Variants in UGT1A9 observed in about 807,000 individuals in gnomAD.
UGT1A9 encodes UDP-glucuronosyltransferase 1A9.
In UGT1A9, 35 loss-of-function variants were observed where a neutral mutation model predicts 45.0. The ratio of observed to expected loss-of-function variants is 0.78; its 90% confidence interval spans 0.59 to 1.03. UGT1A9 has a LOEUF of 1.03. Among genes scored for constraint, UGT1A9 ranks in the 50% least tolerant of loss-of-function variants. UGT1A9 has a pLI of 0.00. For missense variants in UGT1A9, 687 were observed against 666.6 expected, an observed-to-expected ratio of 1.03 and a Z score of -0.34; for synonymous variants, 278 against 250.6, an observed-to-expected ratio of 1.11 and a Z score of -1.03.
In UGT1A9 at chr2:233,743,625, C is replaced by T. The variant is rs201123763; in HGVS notation, c.856-23409C>T. On this transcript the variant is annotated intron_variant, in intron 1 of 4. Coordinates refer to ENST00000354728, the MANE Select transcript of UGT1A9 (RefSeq NM_021027.3). The stretch of plus-strand genomic sequence containing the variant: ...CCGCCGAAGAACTCCCTGAAGACGT[C>T]GGCTGGGTCGCGGAAGCTGAAGACG... The T allele has an allele frequency of 8.8e-5, 121 of 1,367,318 alleles. 1 individual carries two copies. Among genetic ancestry groups the T allele is most frequent in the Non-Finnish European group, 9.0e-5 (92 of 1,021,868 alleles). The allele number at this position is 1,367,318 out of a possible 1,614,324, so 84.7% of individuals were successfully genotyped here.
At chr2:233,751,036 G>T (rs1694621697) in intron 1 of UGT1A9, among the ~76,000 whole-genome samples, 1 of 151,846 alleles carries the variant, frequency 6.6e-6, no homozygotes, top group South Asian at 2.1e-4. Context: ...AGCTTGCACT[G>T]TGTGCCTGGA....
intron 1 of UGT1A9, chr2:233,691,075 A>T: frequency 1.0e-6 from 1 of 986,258 alleles, no homozygotes; most frequent in Non-Finnish European, 1.2e-6. Flanking sequence ...AAGAATGTGA[A>T]GTTTGTAGCA....
At chr2:233,713,593 A>G in intron 1 of UGT1A9, 2 of 1,613,934 alleles carry the variant, frequency 1.2e-6, no homozygotes, top group South Asian at 1.1e-5. Context: ...CTAACGACCA[A>G]TTCAGACCAC....
chr2:233,725,261 AGAG>A lies in UGT1A9; in HGVS notation c.856-41768_856-41766del, dbSNP rs754749858. 7.0e-4 allele frequency among the ~76,000 whole-genome samples: 22 copies of A among 31,252 alleles called. 3 individuals carry two copies. The highest frequency in any genetic ancestry group is 4.3e-3 in the African/African-American group (20 of 4,634). The allele number at this position is 31,252 out of a possible 152,430, so 20.5% of individuals were successfully genotyped here. A position where few individuals can be genotyped will look rare whatever the true frequency, so the allele number is the denominator to read the frequency against. ...AGGCAGAGGCAGAGGAGGCAGAGGC[AGAG>A]GAGGCAGAGGCAGAGGCAGAGGCAG... On this transcript the variant is annotated intron_variant, in intron 1 of 4. Transcript: ENST00000354728.
At chr2:233,747,140 A>T in intron 1 of UGT1A9, 1 of 1,552,466 alleles carries the variant, frequency 6.4e-7, no homozygotes. Context: ...GTGACAAGGT[A>T]ATTAAGATGA....
intron 1 of UGT1A9, among the ~76,000 whole-genome samples, chr2:233,707,386 G>GCT (rs141377295): frequency 0.021 from 3,268 of 152,146 alleles, 114 homozygotes; most frequent in African/African-American, 0.075. Flanking sequence ...GCATCCATGA[G>GCT]CTATTCTTTT....
At position 233,763,627 on chromosome 2, in the gene UGT1A9, G is replaced by A. The variant is rs1698360678; in HGVS notation, c.856-3407G>A. Among the ~76,000 whole-genome samples, 2 of 152,126 alleles carry A rather than the reference G, an allele frequency of 1.3e-5. 1 individual carries two copies. Among genetic ancestry groups the A allele is most frequent in the Admixed American group, 1.3e-4 (2 of 15,272 alleles). ...CACTCTGCACTACCATTCCTCTTGT[G>A]TTGATGGTCCTATTCTCAATACTCT... On this transcript the variant is annotated intron_variant, in intron 1 of 4. Transcript: ENST00000354728.
At chr2:233,747,916 C>A in intron 1 of UGT1A9, 1 of 1,613,518 alleles carries the variant, frequency 6.2e-7, no homozygotes, top group South Asian at 1.1e-5. Context: ...GCAAGCCTTG[C>A]CTCTGAGCTT....
chr2:233,675,661 GGAGA>G (rs1253682062), intron 1 of UGT1A9, among the ~76,000 whole-genome samples: 2 of 152,088 alleles, frequency 1.3e-5, no homozygotes, highest in African/African-American at 4.8e-5. Context: ...CATACACAAT[GGAGA>G]GACTCAGTGT....
At chr2:233,733,215 C>T (rs1311837703) in intron 1 of UGT1A9, among the ~76,000 whole-genome samples, 2 of 152,150 alleles carry the variant, frequency 1.3e-5, no homozygotes, top group East Asian at 3.8e-4. Flanking sequence ...TGGGCTGAGA[C>T]AATGGGGTTT....
chr2:233,724,289 T>C (rs1391719370), intron 1 of UGT1A9, among the ~76,000 whole-genome samples: 13 of 129,340 alleles, frequency 1.0e-4, no homozygotes, highest in African/African-American at 3.0e-4. Flanking sequence ...GGCGGGGGGC[T>C]GACCCCCCCA....
At chr2:233,722,949 G>C (rs2077051910) in intron 1 of UGT1A9, among the ~76,000 whole-genome samples, 2 of 134,510 alleles carry the variant, frequency 1.5e-5, no homozygotes, top group South Asian at 5.6e-4. Flanking sequence ...AGTGGGCTGA[G>C]GAGGAGGAGG....
Position 233,755,903 on chromosome 2 carries a change from T to G in UGT1A9, c.856-11131T>G, listed in dbSNP as rs537567684. ...TTATGTAACTTTTTTTGAGACAAAATGTAGTGAGAAGAGTGGCATCGTTTT... is the reference window on the plus strand; with the variant it reads ...TTATGTAACTTTTTTTGAGACAAAAGGTAGTGAGAAGAGTGGCATCGTTTT... On this transcript the variant is annotated intron_variant, in intron 1 of 4. Transcript: ENST00000354728. 8 of 152,096 alleles carry G rather than the reference T, an allele frequency of 5.3e-5. No individual in the cohort carries two copies. The South Asian group carries it at 1.7e-3, about 32-fold the overall frequency. 9.4% of individuals were successfully genotyped at this position (152,096 alleles called of 1,614,324 possible). A position where few individuals can be genotyped will look rare whatever the true frequency, so the allele number is the denominator to read the frequency against.
chr2:233,672,272 A>AC lies in UGT1A9; in HGVS notation c.339dup (p.Asn114GlnfsTer2), dbSNP rs1198724150. ...ATATATTCTCTATTAATGGGTTCAT[A>AC]CAATGACATTTTTGACTTATTTTTT... On this transcript the variant is annotated frameshift_variant, in exon 1 of 5. Coordinates refer to ENST00000354728, the MANE Select transcript of UGT1A9 (RefSeq NM_021027.3). LOFTEE classifies it high-confidence loss of function. 1 of 1,614,138 alleles carries AC rather than the reference A, an allele frequency of 6.2e-7. No homozygotes were observed. The highest frequency in any genetic ancestry group is 8.5e-7 in the Non-Finnish European group (1 of 1,179,994).
chr2:233,713,574 C>A (rs1477870335), intron 1 of UGT1A9: 4 of 1,613,856 alleles, frequency 2.5e-6, no homozygotes, highest in Non-Finnish European at 3.4e-6. Context: ...CTCCTATATT[C>A]CTAGATTACT....
At chr2:233,746,438 T>A (rs1187941624) in intron 1 of UGT1A9, among the ~76,000 whole-genome samples, 3 of 151,694 alleles carry the variant, frequency 2.0e-5, no homozygotes, top group Admixed American at 1.3e-4. Flanking sequence ...TGTCTTCAGC[T>A]TAAAAAGAAA....
At chr2:233,743,813 T>G (rs964815042) in intron 1 of UGT1A9, 1 of 1,367,084 alleles carries the variant, frequency 7.3e-7, no homozygotes, top group South Asian at 1.1e-5. Context: ...GTTCTCAGGG[T>G]TTTTGTCGGG....
intron 1 of UGT1A9, among the ~76,000 whole-genome samples, chr2:233,695,542 T>A (rs1238295207): frequency 3.9e-5 from 6 of 152,256 alleles, no homozygotes; most frequent in African/African-American, 1.4e-4. Context: ...TTTTCTTTTT[T>A]AAATTTTAAC....
intron 1 of UGT1A9, chr2:233,693,814 C>T (rs2075182477): frequency 6.2e-7 from 1 of 1,614,220 alleles, no homozygotes; most frequent in Non-Finnish European, 8.5e-7. Context: ...TCATGCCCAA[C>T]ATGGTCTTCA....
Sources: allele counts gnomAD v4.1 joint callset (sites outside exome capture counted in the v4.1 genomes callset), GRCh38; gene constraint gnomAD v4.1.1; transcripts MANE v1.5; gene names NCBI Gene and HGNC (gene_info 2026-07-23, HGNC 2026-07-21).